Variants in PSIP1 observed in about 807,000 individuals in gnomAD.
The protein encoded by PSIP1 is PC4 and SFRS1-interacting protein.
A neutral mutation model predicts 74.7 loss-of-function variants in PSIP1; 19 were observed. The ratio of observed to expected loss-of-function variants is 0.25; its 90% CI spans 0.18 to 0.37. PSIP1 has a LOEUF of 0.37. Ranked by LOEUF, PSIP1 falls within the 10% of genes least tolerant of loss-of-function variation. The pLI is 1.00. For missense variants in PSIP1, 601 were observed against 614.3 expected (o/e 0.98, Z 0.23); for synonymous variants, 222 against 195.3 (o/e 1.14, Z -1.14).
intron 6 of PSIP1, among the ~76,000 whole-genome samples, chr9:15,483,789 C>CA (rs1368764875): frequency 6.6e-6 from 1 of 152,128 alleles, no homozygotes; most frequent in East Asian, 1.9e-4. Context: ...GTGAGGAGTT[C>CA]AAGACCTGGC....
At chr9:15,487,359 C>G (rs1229250694) in intron 4 of PSIP1, among the ~76,000 whole-genome samples, 1 of 152,040 alleles carries the variant, frequency 6.6e-6, no homozygotes, top group East Asian at 1.9e-4. Flanking sequence ...CTTTGGGAGG[C>G]TGAGGCAGGC....
intron 12 of PSIP1, 81 bp downstream of exon 12, chr9:15,469,185 A>G (rs898003032): frequency 9.1e-6 from 12 of 1,324,634 alleles, no homozygotes; most frequent in Non-Finnish European, 1.2e-5. Context: ...TTAAATTTAC[A>G]TACTCATAAG....
intron 12 of PSIP1, 76 bp from the exon 13 acceptor site, chr9:15,469,134 CAAAA>C (rs145855578): frequency 3.1e-5 from 44 of 1,404,020 alleles, no homozygotes; most frequent in Non-Finnish European, 4.2e-5. Context: ...AGATCGTTTC[CAAAA>C]AAAAAGAGGT....
Position 15,464,696 on chromosome 9 carries a change from A to G in PSIP1, c.*824T>C, listed in dbSNP as rs1263980831. On this transcript the variant is annotated 3_prime_UTR_variant, in exon 16 of 16. Transcript: ENST00000380733. ...ACATTTTTAACAACATTCCTCAAAA[A>G]TAAACTTACTTAGTTTTCAGTTTTA... 1 of 198,984 alleles carries G rather than the reference A, an allele frequency of 5.0e-6. No homozygotes were observed. Among genetic ancestry groups the G allele is most frequent in the African/African-American group, 2.3e-5 (1 of 43,468 alleles). The allele number at this position is 198,984 out of a possible 1,614,324, so 12.3% of individuals were successfully genotyped here. A position where few individuals can be genotyped will look rare whatever the true frequency, so the allele number is the denominator to read the frequency against.
chr9:15,495,839 C>A (rs915973024), intron 3 of PSIP1, among the ~76,000 whole-genome samples: 12 of 152,332 alleles, frequency 7.9e-5, no homozygotes, highest in Non-Finnish European at 1.2e-4. Context: ...CTAAGTTTCT[C>A]TGGCTGGACA....
chr9:15,481,614 G>A (rs2036339634), intron 6 of PSIP1, among the ~76,000 whole-genome samples: 1 of 152,058 alleles, frequency 6.6e-6, no homozygotes, highest in African/African-American at 2.4e-5. Context: ...AACCCAGGAG[G>A]CAGAGATTGC....
chr9:15,479,744 AT>A, intron 6 of PSIP1, 57 bp from the exon 7 acceptor site: 1 of 1,354,822 alleles, frequency 7.4e-7, no homozygotes. Context: ...TCAAAGTTTA[AT>A]TCGATGGCAA....
intron 8 of PSIP1, among the ~76,000 whole-genome samples, chr9:15,475,632 T>C (rs1345145762): frequency 2.6e-5 from 4 of 152,186 alleles, no homozygotes; most frequent in African/African-American, 7.2e-5. Context: ...TGGGATACCA[T>C]GCAGCTGGTC....
At chr9:15,497,576 C>T (rs765888312) in intron 3 of PSIP1, among the ~76,000 whole-genome samples, 6 of 151,978 alleles carry the variant, frequency 3.9e-5, no homozygotes, top group Admixed American at 3.9e-4. Context: ...CCGCCCACCT[C>T]GGCCTCCCAA....
intron 2 of PSIP1, among the ~76,000 whole-genome samples, chr9:15,508,935 T>C (rs2037723560): frequency 6.6e-6 from 1 of 152,218 alleles, no homozygotes; most frequent in Non-Finnish European, 1.5e-5. Flanking sequence ...CAAGTAAGAC[T>C]GCACCGAAAA....
At chr9:15,474,314 T>C (rs1010918674) in intron 8 of PSIP1, 77 bp from the exon 9 acceptor site, 2 of 1,304,030 alleles carry the variant, frequency 1.5e-6, no homozygotes, top group African/African-American at 3.0e-5. Flanking sequence ...GCTATAATTT[T>C]TAATTTAAAG....
At chr9:15,510,437 C>G (rs2132263689) in intron 1 of PSIP1, 108 bp from the exon 2 acceptor site, 1 of 401,244 alleles carries the variant, frequency 2.5e-6, no homozygotes, top group South Asian at 4.3e-5. Context: ...AGGGGACGGC[C>G]GCCTCCCGCT....
At chr9:15,471,240 A>C in intron 10 of PSIP1, 1 of 1,600,116 alleles carries the variant, frequency 6.2e-7, no homozygotes, top group Non-Finnish European at 8.6e-7. Flanking sequence ...GGCTGGGAAT[A>C]CAATACAATA....
At position 15,478,564 on chromosome 9, in the gene PSIP1, AT is replaced by A; in HGVS notation, c.554-13del. ...CTTGACTTCTGTAGCTAATATACAC[AT>A]GGAAAAAAAATCAGTAACTACTAGT... On this transcript the variant is annotated splice_polypyrimidine_tract_variant and intron_variant, in intron 7 of 15. Coordinates refer to ENST00000380733, the MANE Select transcript of PSIP1 (RefSeq NM_033222.5). 4 of 1,560,700 alleles carry A rather than the reference AT, an allele frequency of 2.6e-6. No individual in the cohort carries two copies. The highest frequency in any genetic ancestry group is 3.5e-6 in the Non-Finnish European group (4 of 1,132,586).
intron 8 of PSIP1, among the ~76,000 whole-genome samples, chr9:15,478,153 T>C (rs961778006): frequency 4.0e-5 from 6 of 148,996 alleles, no homozygotes; most frequent in Admixed American, 6.7e-5. Context: ...AAAAAAAAAA[T>C]TTGTGACATT....
rs901024929 is a variant in PSIP1, at chr9:15,468,614, G to C, written c.1420+16C>G. 4.3e-6 allele frequency: 7 copies of C among 1,610,408 alleles called. No homozygotes were observed. Among genetic ancestry groups the C allele is most frequent in the African/African-American group, 4.0e-5 (3 of 74,744 alleles). On this transcript the variant is annotated intron_variant, in intron 14 of 15. Transcript: ENST00000380733. ...TTTAAAAACTGGTGTGAAATTGTTG[G>C]CTTTTTACCACATACCTGTTTGTTC... is the stretch of plus-strand genomic sequence containing the variant.
Position 15,478,287 on chromosome 9 carries a change from AATG to A in PSIP1, c.629+187_629+189del, listed in dbSNP as rs368793807. On this transcript the variant is annotated intron_variant, in intron 8 of 15. Transcript: ENST00000380733. The stretch of plus-strand genomic sequence containing the variant: ...TATACCCAAGAGTCTTAATTAATGA[AATG>A]ATAAATAGCCATTCCTTACCAATTT... Among the ~76,000 whole-genome samples, 64 of 152,158 alleles carry A rather than the reference AATG, an allele frequency of 4.2e-4. No homozygotes were observed. In the East Asian group the frequency reaches 9.8e-3, roughly 23 times the overall value.
intron 15 of PSIP1, 144 bp downstream of exon 15, chr9:15,466,604 T>A (rs2035643418): frequency 3.3e-6 from 2 of 610,950 alleles, no homozygotes; most frequent in Admixed American, 7.9e-5. Context: ...TCTTCCTTTT[T>A]GAATTGTAAC....
chr9:15,490,256 G>A (rs566391000), intron 3 of PSIP1, 132 bp from the exon 4 acceptor site: 5 of 785,232 alleles, frequency 6.4e-6, no homozygotes, highest in Admixed American at 3.7e-5. Context: ...ATAAGTTAAA[G>A]GGCAATTAAT....
Sources: allele counts gnomAD v4.1 joint callset (sites outside exome capture counted in the v4.1 genomes callset), GRCh38; gene constraint gnomAD v4.1.1; transcripts MANE v1.5; gene names NCBI Gene and HGNC (gene_info 2026-07-23, HGNC 2026-07-21).